The following SND1 variants were observed in gnomAD, a reference collection of about 807,000 sequenced individuals.
SND1 encodes staphylococcal nuclease and tudor domain containing 1.
SND1 carries 38 observed loss-of-function variants against 121.7 expected under a neutral mutation model. That is an observed-to-expected ratio of 0.31 (90% CI 0.24 to 0.41). SND1 has a LOEUF of 0.41. Ranked by LOEUF, SND1 falls within the 10% of genes least tolerant of loss-of-function variation. The pLI is 1.00. For missense variants in SND1, 868 were observed against 1,184.6 expected (o/e 0.73, Z 3.92); for synonymous variants, 401 against 447.4 (o/e 0.90, Z 1.31).
intron 16 of SND1, chr7:128,030,740 T>A: frequency 7.1e-7 from 1 of 1,409,948 alleles, no homozygotes; most frequent in African/African-American, 1.4e-5. Flanking sequence ...CCTCTTTCCA[T>A]CTGGAGAAGG....
intron 10 of SND1, among the ~76,000 whole-genome samples, chr7:127,743,984 G>A (rs909572029): frequency 6.6e-6 from 1 of 152,130 alleles, no homozygotes; most frequent in Non-Finnish European, 1.5e-5. Flanking sequence ...AATGTGTAAT[G>A]ATGCTAGTTC....
intron 20 of SND1, 160 bp from the exon 21 acceptor site, chr7:128,086,778 A>G (rs1270088174): frequency 7.4e-6 from 5 of 671,914 alleles, no homozygotes; most frequent in African/African-American, 7.0e-5. Context: ...GGCTTCACCC[A>G]CTGGGGAGCC....
At chr7:127,688,125 A>G (rs1413770205) in intron 2 of SND1, among the ~76,000 whole-genome samples, 1 of 152,176 alleles carries the variant, frequency 6.6e-6, no homozygotes, top group Non-Finnish European at 1.5e-5. Flanking sequence ...TTATGGCTCA[A>G]AAGTAGTTAA....
chr7:127,704,233 C>T (rs1231941632), intron 7 of SND1, among the ~76,000 whole-genome samples: 1 of 152,196 alleles, frequency 6.6e-6, no homozygotes, highest in Admixed American at 6.5e-5. Context: ...AGCTAAGCTA[C>T]TTACTCTTTG....
chr7:127,997,437 G>T (rs183518294), intron 16 of SND1: 21 of 323,722 alleles, frequency 6.5e-5, no homozygotes, highest in African/African-American at 3.2e-4. Context: ...CTATGCCCAT[G>T]CCTCCCCTAA....
chr7:127,682,437 A>G (rs1212565475), intron 1 of SND1, among the ~76,000 whole-genome samples: 1 of 152,234 alleles, frequency 6.6e-6, no homozygotes, highest in East Asian at 1.9e-4. Context: ...AAACTGACTT[A>G]TTGTGACACC....
rs183190299 is a variant in SND1, at chr7:128,013,785, C to T, written c.1779+22729C>T. Among the ~76,000 whole-genome samples the T allele has an allele frequency of 5.9e-5, 9 of 152,332 alleles. No homozygotes were observed. The East Asian group carries it at 1.4e-3, about 23-fold the overall frequency. On this transcript the variant is annotated intron_variant, in intron 16 of 23. Coordinates refer to ENST00000354725, the MANE Select transcript of SND1 (RefSeq NM_014390.4). ...GAGGCGGAGCCCTGGCAGTAATGCT[C>T]CCCGCCTACCACTCACCTCCTTAGG...
chr7:127,823,111 C>CTGAG, intron 11 of SND1, among the ~76,000 whole-genome samples: 1 of 152,256 alleles, frequency 6.6e-6, no homozygotes, highest in African/African-American at 2.4e-5. Flanking sequence ...CCTGATAAGG[C>CTGAG]TGAGTGAGAG....
At chr7:128,044,059 T>G (rs1792904842) in intron 16 of SND1, among the ~76,000 whole-genome samples, 1 of 152,192 alleles carries the variant, frequency 6.6e-6, no homozygotes, top group Non-Finnish European at 1.5e-5. Flanking sequence ...AGAGTGGGAA[T>G]AAAGATGTGG....
intron 5 of SND1, 56 bp downstream of exon 5, chr7:127,701,379 C>T: frequency 6.5e-7 from 1 of 1,549,052 alleles, no homozygotes; most frequent in Non-Finnish European, 8.8e-7. Flanking sequence ...TCTGTTTGCA[C>T]TCTTTGCTTC....
chr7:127,999,523 A>G (rs1802766904), intron 16 of SND1: 1 of 152,164 alleles, frequency 6.6e-6, no homozygotes, highest in Admixed American at 6.5e-5. Flanking sequence ...CTTTAGGTCT[A>G]ACCCAGCTCA....
At chr7:127,695,724 G>T (rs971738430) in intron 3 of SND1, among the ~76,000 whole-genome samples, 1 of 152,168 alleles carries the variant, frequency 6.6e-6, no homozygotes, top group African/African-American at 2.4e-5. Context: ...TACTCGGGAG[G>T]CTGAGGTGGG....
chr7:127,742,375 G>T (rs1390683653), intron 10 of SND1, among the ~76,000 whole-genome samples: 4 of 152,132 alleles, frequency 2.6e-5, no homozygotes, highest in African/African-American at 9.7e-5. Context: ...CTCCCTGAGG[G>T]TCACTAGAGA....
intron 12 of SND1, among the ~76,000 whole-genome samples, chr7:127,878,695 C>CTTGTT (rs1372612188): frequency 6.6e-6 from 1 of 152,080 alleles, no homozygotes; most frequent in Non-Finnish European, 1.5e-5. Context: ...ACTTGTTAAA[C>CTTGTT]AGAGAATGGG....
intron 9 of SND1, among the ~76,000 whole-genome samples, chr7:127,716,505 TG>T (rs1796393129): frequency 6.6e-6 from 1 of 151,758 alleles, no homozygotes. Context: ...TTTTTTTTTT[TG>T]GATTGTTTAT....
At chr7:127,895,354 C>T (rs1028269455) in intron 13 of SND1, among the ~76,000 whole-genome samples, 5 of 152,062 alleles carry the variant, frequency 3.3e-5, no homozygotes, top group African/African-American at 7.2e-5. Flanking sequence ...AGCGGTAGTT[C>T]GGTGCCTTAC....
chr7:127,781,879 A>G (rs1284120017), intron 10 of SND1, among the ~76,000 whole-genome samples: 1 of 152,228 alleles, frequency 6.6e-6, no homozygotes. Flanking sequence ...TAATCGTTTC[A>G]TAGAGGGGAA....
chr7:127,758,439 A>G (rs1797238979), intron 10 of SND1, among the ~76,000 whole-genome samples: 1 of 152,214 alleles, frequency 6.6e-6, no homozygotes, highest in African/African-American at 2.4e-5. Context: ...CCCTATCCTC[A>G]AGGAATTCCA....
At chr7:127,874,040 G>A (rs1799644238) in intron 12 of SND1, among the ~76,000 whole-genome samples, 1 of 152,146 alleles carries the variant, frequency 6.6e-6, no homozygotes, top group Admixed American at 6.5e-5. Flanking sequence ...TCTTAATTAG[G>A]AGCAGTCTGG....
Sources: gnomAD v4.1 joint callset for allele counts (sites outside exome capture counted in the v4.1 genomes callset) on GRCh38, gnomAD v4.1.1 for gene constraint, MANE v1.5 for transcripts, NCBI Gene and HGNC (gene_info 2026-07-23, HGNC 2026-07-21) for gene names.